The following FBXO38 variants were observed in gnomAD, a reference collection of about 807,000 sequenced individuals.
FBXO38 encodes the protein F-box only protein 38.
Under a neutral mutation model 131.9 loss-of-function variants are expected in FBXO38, and 53 were observed. That is an observed-to-expected ratio of 0.40 (90% CI 0.32 to 0.51). FBXO38 has a LOEUF of 0.51. FBXO38 is among the 20% of genes least tolerant of loss of function. The probability of loss-of-function intolerance (pLI) is 0.53; values close to 1 mark genes in which losing one functional copy is unlikely to be tolerated. For missense variants in FBXO38, 1,076 were observed against 1,475.6 expected (o/e 0.73, Z 4.44); for synonymous variants, 452 against 505.6 (o/e 0.89, Z 1.42).
At chr5:148,407,861 C>T (rs1393217031) in intron 7 of FBXO38, among the ~76,000 whole-genome samples, 1 of 151,498 alleles carries the variant, frequency 6.6e-6, no homozygotes, top group Non-Finnish European at 1.5e-5. Flanking sequence ...GGAGGCAGAG[C>T]ATGCAGTGAG....
At chr5:148,419,399 G>A (rs1753268508) in intron 12 of FBXO38, among the ~76,000 whole-genome samples, 1 of 151,882 alleles carries the variant, frequency 6.6e-6, no homozygotes, top group South Asian at 2.1e-4. Context: ...GCAAACTAAG[G>A]AACTAGAAAA....
Position 148,425,768 on chromosome 5 carries a change from A to G in FBXO38, c.1918+67A>G, listed in dbSNP as rs373450712. 6.7e-5 allele frequency: 92 copies of G among 1,379,934 alleles called. 2 individuals carry two copies. The East Asian group carries it at 8.0e-4, about 12-fold the overall frequency. 85.5% of individuals were successfully genotyped at this position (1,379,934 alleles called of 1,614,324 possible). ...ATCAGAACTGACACACTTGGCCTTA[A>G]TATGACAACTTGGGTGCAGTTAACA... On this transcript the variant is annotated intron_variant, in intron 14 of 21. Coordinates refer to ENST00000340253, the MANE Select transcript of FBXO38 (RefSeq NM_205836.3).
At chr5:148,423,656 A>G (rs1753561066) in intron 12 of FBXO38, 2 of 165,012 alleles carry the variant, frequency 1.2e-5, no homozygotes, top group Non-Finnish European at 2.6e-5. Flanking sequence ...TGAAATTTCA[A>G]ACCTCTCCCA....
At chr5:148,395,304 C>T (rs1288053703) in intron 2 of FBXO38, among the ~76,000 whole-genome samples, 1 of 152,082 alleles carries the variant, frequency 6.6e-6, no homozygotes, top group Non-Finnish European at 1.5e-5. Flanking sequence ...TTTCTGACTA[C>T]AACCCACAGT....
chr5:148,409,431 C>G (rs1752629158), intron 8 of FBXO38, among the ~76,000 whole-genome samples: 1 of 152,174 alleles, frequency 6.6e-6, no homozygotes, highest in Non-Finnish European at 1.5e-5. Context: ...TGCATACTAG[C>G]AAGCTCCAGA....
intron 1 of FBXO38, among the ~76,000 whole-genome samples, chr5:148,392,228 G>A (rs999799015): frequency 6.6e-6 from 1 of 152,120 alleles, no homozygotes; most frequent in South Asian, 2.1e-4. Context: ...GTCCCAAAAG[G>A]TAATGGGAAT....
intron 9 of FBXO38, chr5:148,410,971 A>G: frequency 2.0e-6 from 1 of 510,848 alleles, no homozygotes; most frequent in Non-Finnish European, 3.4e-6. Flanking sequence ...CATATTATAG[A>G]AAATATAGTT....
chr5:148,428,282 A>T (rs1753839486), intron 15 of FBXO38, among the ~76,000 whole-genome samples: 1 of 152,214 alleles, frequency 6.6e-6, no homozygotes, highest in Non-Finnish European at 1.5e-5. Flanking sequence ...GTCTTAACTT[A>T]GGAAAGTTTT....
intron 21 of FBXO38, chr5:148,441,569 G>A (rs1048752593): frequency 1.4e-5 from 3 of 210,986 alleles, no homozygotes; most frequent in African/African-American, 6.9e-5. Flanking sequence ...TCTCCTGCTA[G>A]TTATGAGCTG....
chr5:148,435,710 C>T (rs1161547204), intron 17 of FBXO38, among the ~76,000 whole-genome samples: 1 of 152,124 alleles, frequency 6.6e-6, no homozygotes, highest in Non-Finnish European at 1.5e-5. Context: ...GCGGGGCTTG[C>T]AGTGAGCCGA....
At chr5:148,390,779 G>A (rs1758158463) in intron 1 of FBXO38, among the ~76,000 whole-genome samples, 1 of 152,068 alleles carries the variant, frequency 6.6e-6, no homozygotes, top group African/African-American at 2.4e-5. Context: ...GTGCACTAGG[G>A]CTACTAAATC....
intron 9 of FBXO38, 40 bp from the exon 10 acceptor site, chr5:148,414,096 A>G: frequency 6.4e-7 from 1 of 1,554,704 alleles, no homozygotes. Context: ...AACACTTAAG[A>G]ATTTGACTTT....
chr5:148,419,385 T>C (rs1175843954), intron 12 of FBXO38, among the ~76,000 whole-genome samples: 5 of 152,012 alleles, frequency 3.3e-5, no homozygotes, highest in East Asian at 1.9e-4. Flanking sequence ...GATTTTTTTT[T>C]CCCGCAAACT....
At chr5:148,399,173 G>A in intron 3 of FBXO38, 41 bp downstream of exon 3, 2 of 1,600,262 alleles carry the variant, frequency 1.2e-6, no homozygotes, top group South Asian at 2.2e-5. Flanking sequence ...GTGTCCTACT[G>A]GAAAGTAGTA....
intron 3 of FBXO38, among the ~76,000 whole-genome samples, chr5:148,401,721 C>T (rs1055862338): frequency 2.0e-5 from 3 of 152,036 alleles, no homozygotes; most frequent in Non-Finnish European, 4.4e-5. Flanking sequence ...GATTTCTATG[C>T]CTTAAAAGCA....
At chr5:148,424,215 C>G in intron 13 of FBXO38, 98 bp downstream of exon 13, 1 of 1,192,588 alleles carries the variant, frequency 8.4e-7, no homozygotes, top group Non-Finnish European at 1.2e-6. Context: ...TCTGACCTTT[C>G]AGCTAATGAT....
intron 5 of FBXO38, 120 bp downstream of exon 5, chr5:148,402,633 A>C: frequency 2.3e-6 from 2 of 870,604 alleles, no homozygotes; most frequent in Non-Finnish European, 3.4e-6. Context: ...ATTGCAAAAT[A>C]AATGTTTGCA....
intron 8 of FBXO38, among the ~76,000 whole-genome samples, 189 bp downstream of exon 8, chr5:148,409,406 G>T (rs1393768149): frequency 1.3e-5 from 2 of 152,178 alleles, no homozygotes; most frequent in African/African-American, 4.8e-5. Flanking sequence ...TGTTATAACT[G>T]GTAACCAGTT....
In FBXO38 at chr5:148,439,680, A is replaced by G. The variant is rs1337908030; in HGVS notation, c.3058A>G (p.Ser1020Gly). ...TCTAACTTTGGAGCAGAAGCTATTT[A>G]GTGGTCCCTACCCCTATCACATCTG... ...DTLTLEQKLF[S>G]GPYPYHICII... Residue 1020 changes from serine to glycine, a missense_variant, in exon 19 of 22, where the codon AGT becomes GGT. Ser to Gly is a moderately conservative substitution (Grantham distance 56, BLOSUM62 0). Around this residue, in one of 8 missense-constraint regions of FBXO38, gnomAD observed 282 missense variants for 418.8 expected, o/e 0.67. Coordinates refer to ENST00000340253, the MANE Select transcript of FBXO38 (RefSeq NM_205836.3). The G allele has an allele frequency of 6.2e-7, 1 of 1,613,888 alleles. No homozygotes were observed. The highest frequency in any genetic ancestry group is 8.5e-7 in the Non-Finnish European group (1 of 1,179,878).
Sources: gnomAD v4.1 joint callset for allele counts (sites outside exome capture counted in the v4.1 genomes callset) on GRCh38, gnomAD v4.1.1 for gene constraint, gnomAD v4.1.1 regional missense constraint, MANE v1.5 for transcripts, NCBI Gene and HGNC (gene_info 2026-07-23, HGNC 2026-07-21) for gene names.